The following NBEAL1 variants were observed in gnomAD, a reference collection of about 807,000 sequenced individuals.
The protein encoded by NBEAL1 is neurobeachin like 1.
A neutral mutation model predicts 351.3 loss-of-function variants in NBEAL1; 273 were observed. The ratio of observed to expected loss-of-function variants is 0.78; its 90% CI spans 0.70 to 0.86. The LOEUF (loss-of-function observed/expected upper bound fraction) is 0.86, where lower values mean the gene tolerates loss of function less well. NBEAL1 is among the 40% of genes least tolerant of loss of function. NBEAL1 has a pLI of 0.00. For missense variants in NBEAL1, 2,961 were observed against 3,201.3 expected (o/e 0.92, Z 1.81); for synonymous variants, 1,050 against 1,086.4 (o/e 0.97, Z 0.66).
rs1309114697 is a variant in NBEAL1 at position 203,108,143 on chromosome 2, C to G, written c.1904C>G (p.Thr635Ser). 1.3e-6 allele frequency: 2 copies of G among 1,551,470 alleles called. No individual in the cohort carries two copies. The highest frequency in any genetic ancestry group is 1.7e-6 in the Non-Finnish European group (2 of 1,146,754). ...TTTTGCTTAGACCAGGATCAGTTGACTCTTGGCATTGCTAACAAAGGAGGG... is the reference window on the plus strand; with the variant it reads ...TTTTGCTTAGACCAGGATCAGTTGAGTCTTGGCATTGCTAACAAAGGAGGG... ...AWFCLDQDQL[T>S]LGIANKGGKR... The change falls in exon 14 of 56, where the codon ACT (threonine) becomes AGT (serine). Residue 635 changes from threonine (T) to serine (S), a missense_variant. By Grantham distance (58) the Thr-to-Ser change is moderately conservative. Transcript: ENST00000683969.
chr2:203,141,366 A>ATTATTATTATTAT (rs1185870312), intron 31 of NBEAL1, among the ~76,000 whole-genome samples: 2 of 9,108 alleles, frequency 2.2e-4, no homozygotes, highest in Non-Finnish European at 5.1e-4. Context: ...TATTATTATT[A>ATTATTATTATTAT]TTTTTTTTTT....
chr2:203,144,536 A>G (rs2063460942), intron 31 of NBEAL1, 64 bp from the exon 32 acceptor site: 2 of 1,447,902 alleles, frequency 1.4e-6, no homozygotes, highest in African/African-American at 2.8e-5. Flanking sequence ...GCCAGGCAGA[A>G]CTTGTGCTTT....
intron 8 of NBEAL1, among the ~76,000 whole-genome samples, chr2:203,081,951 T>G (rs2061881699): frequency 6.6e-6 from 1 of 152,136 alleles, no homozygotes; most frequent in Non-Finnish European, 1.5e-5. Context: ...AAAGTTTTTT[T>G]AAATTAGTCA....
chr2:203,053,021 T>C (rs2061348273), intron 4 of NBEAL1, among the ~76,000 whole-genome samples: 2 of 152,196 alleles, frequency 1.3e-5, no homozygotes, highest in Admixed American at 1.3e-4. Context: ...TTGGAAGTTA[T>C]GAATAAAGCT....
rs1392972492 is a variant in NBEAL1, at chr2:203,149,039, A to T, written c.5353A>T (p.Arg1785Trp). Residue 1785 changes from arginine (R) to tryptophan (W), a missense_variant, in exon 34 of 56, where the codon AGG (arginine) becomes TGG (tryptophan). Physicochemically the swap from Arg to Trp is moderately radical, Grantham distance 101. Coordinates refer to ENST00000683969, the MANE Select transcript of NBEAL1 (RefSeq NM_001378026.1). ...FNRKARQENL[R>W]YNNMLKQLSS... ...TCGAAAAGCACGCCAAGAGAACCTG[A>T]GGTATAATAATATGCTTAAACAACT... The T allele has an allele frequency of 1.2e-6, 2 of 1,611,992 alleles. No homozygotes were observed. Among genetic ancestry groups the T allele is most frequent in the Non-Finnish European group, 8.5e-7 (1 of 1,178,832 alleles).
At chr2:203,194,215 GATA>G (rs758636640) in intron 47 of NBEAL1, among the ~76,000 whole-genome samples, 18 of 152,264 alleles carry the variant, frequency 1.2e-4, no homozygotes, top group Admixed American at 3.9e-4. Flanking sequence ...TGTAGATGGA[GATA>G]ATAATTTAAT....
intron 30 of NBEAL1, 31 bp downstream of exon 30, chr2:203,138,346 T>C (rs767629725): frequency 6.3e-7 from 1 of 1,584,720 alleles, no homozygotes; most frequent in Admixed American, 1.9e-5. Context: ...AATTATATTT[T>C]GGGTAGTTAA....
intron 47 of NBEAL1, among the ~76,000 whole-genome samples, chr2:203,195,801 G>A (rs1575115453): frequency 6.6e-6 from 1 of 152,128 alleles, no homozygotes; most frequent in East Asian, 1.9e-4. Flanking sequence ...CAGTGCCCAA[G>A]GTTTTTATTG....
At chr2:203,180,948 T>TTTTTTTTTTTG (rs1363980631) in intron 43 of NBEAL1, 1 of 135,728 alleles carries the variant, frequency 7.4e-6, no homozygotes, top group Non-Finnish European at 1.6e-5. Flanking sequence ...TTTTTTTTTT[T>TTTTTTTTTTTG]TTTTTTTGAG....
At chr2:203,057,517 A>C in intron 6 of NBEAL1, 64 bp downstream of exon 6, 1 of 1,388,484 alleles carries the variant, frequency 7.2e-7, no homozygotes, top group Non-Finnish European at 9.8e-7. Context: ...TGATTCTTCA[A>C]AGCAGGTCTT....
chr2:203,076,812 G>A (rs1347528031), intron 7 of NBEAL1, among the ~76,000 whole-genome samples: 1 of 151,332 alleles, frequency 6.6e-6, no homozygotes, highest in African/African-American at 2.4e-5. Flanking sequence ...GGCTGGTCTC[G>A]AACTCCTGAC....
At position 203,147,820 on chromosome 2, in the gene NBEAL1, G is replaced by T. The variant is rs533374284; in HGVS notation, c.5305-1171G>T. 2.4e-4 allele frequency among the ~76,000 whole-genome samples: 36 copies of T among 151,948 alleles called. No individual in the cohort carries two copies. The South Asian group carries it at 6.9e-3, about 29-fold the overall frequency. On this transcript the variant is annotated intron_variant, in intron 33 of 55. Coordinates refer to ENST00000683969, the MANE Select transcript of NBEAL1 (RefSeq NM_001378026.1). ...GTGGCTATCCAAGAAGATTTCTCTAGGATAAGTGGAATTACTAGTGTGTAG... is the reference window on the plus strand; with the variant it reads ...GTGGCTATCCAAGAAGATTTCTCTATGATAAGTGGAATTACTAGTGTGTAG...
chr2:203,040,857 TC>T, intron 2 of NBEAL1: 1 of 440,714 alleles, frequency 2.3e-6, no homozygotes, highest in Non-Finnish European at 4.4e-6. Context: ...CACATGGCTA[TC>T]GGGGTGAATG....
intron 12 of NBEAL1, among the ~76,000 whole-genome samples, chr2:203,100,184 A>G (rs2062283037): frequency 1.3e-5 from 2 of 152,140 alleles, no homozygotes; most frequent in Non-Finnish European, 2.9e-5. Flanking sequence ...TGTGTTTGCT[A>G]TTGAGAATAG....
chr2:203,054,929 A>G (rs2106087817), intron 4 of NBEAL1, among the ~76,000 whole-genome samples: 1 of 152,208 alleles, frequency 6.6e-6, no homozygotes, highest in East Asian at 1.9e-4. Context: ...TCAGGCTCTG[A>G]ATTCTAGTTT....
Position 203,097,645 on chromosome 2 carries a change from G to C in NBEAL1, c.1185+12G>C. The C allele has an allele frequency of 1.0e-6, 1 of 980,698 alleles. No individual in the cohort carries two copies. The highest frequency in any genetic ancestry group is 1.2e-6 in the Non-Finnish European group (1 of 825,246). 60.7% of individuals were successfully genotyped at this position (980,698 alleles called of 1,614,324 possible). A position where few individuals can be genotyped will look rare whatever the true frequency, so the allele number is the denominator to read the frequency against. On this transcript the variant is annotated intron_variant, in intron 11 of 55. Transcript: ENST00000683969. ...TGAATGAGGACCAGGTATCTACAAA[G>C]CCTGCATCTTGTTTCAGCTGAAGTC...
intron 12 of NBEAL1, among the ~76,000 whole-genome samples, chr2:203,103,780 T>C (rs2062377865): frequency 6.6e-6 from 1 of 152,230 alleles, no homozygotes; most frequent in African/African-American, 2.4e-5. Context: ...GCTTTAGCTA[T>C]GTCCCAGAGA....
intron 6 of NBEAL1, among the ~76,000 whole-genome samples, chr2:203,067,907 C>T (rs980011740): frequency 2.0e-5 from 3 of 152,158 alleles, no homozygotes; most frequent in Admixed American, 1.3e-4. Flanking sequence ...CTGGAATTGT[C>T]ATTAAAAGCA....
intron 19 of NBEAL1, 44 bp downstream of exon 19, chr2:203,122,387 T>C (rs2062851043): frequency 1.7e-6 from 2 of 1,192,916 alleles, no homozygotes; most frequent in South Asian, 1.4e-5. Flanking sequence ...CATAATTTAC[T>C]GATACTCTTA....
Sources: allele counts gnomAD v4.1 joint callset (sites outside exome capture counted in the v4.1 genomes callset), GRCh38; gene constraint gnomAD v4.1.1; transcripts MANE v1.5; gene names NCBI Gene and HGNC (gene_info 2026-07-23, HGNC 2026-07-21).